Variants in FASN observed in about 807,000 individuals in gnomAD.
The protein encoded by FASN is 3-hydroxyacyl-[acyl-carrier-protein] dehydratase.
Under a neutral mutation model 250.0 loss-of-function variants are expected in FASN, and 50 were observed. The ratio of observed to expected loss-of-function variants is 0.20; its 90% CI spans 0.16 to 0.25. The LOEUF (loss-of-function observed/expected upper bound fraction) is 0.25. Ranked by LOEUF, FASN falls within the 10% of genes least tolerant of loss-of-function variation. The pLI, the probability that FASN is intolerant of heterozygous loss-of-function variation, is 1.00. For synonymous variants in FASN, 1,909 were observed against 1,584.0 expected, an observed-to-expected ratio of 1.21 and a Z score of -4.87; for missense variants, 3,031 against 3,498.5, an observed-to-expected ratio of 0.87 and a Z score of 3.37.
At chr17:82,095,504 C>G in intron 2 of FASN, 32 bp from the exon 3 acceptor site, 3 of 1,608,894 alleles carry the variant, frequency 1.9e-6, no homozygotes, top group South Asian at 2.2e-5. Context: ...AAATCTCTGA[C>G]GGAAGCTGCC....
chr17:82,094,829 G>A (rs972689898), intron 3 of FASN, among the ~76,000 whole-genome samples: 6 of 151,400 alleles, frequency 4.0e-5, no homozygotes, highest in East Asian at 1.9e-4. Flanking sequence ...AAAAAACGGC[G>A]TGGCGCTTGT....
chr17:82,082,400 G>A lies in FASN; in HGVS notation c.5934C>T (p.Gly1978=), dbSNP rs569358878. ...VFNLAVVLRD[G]LLENQTPEFF... is the part of the protein sequence containing the mutation. ...ACTCTGGGGTCTGGTTCTCCAGCAA[G>A]CCATCTCTCAAGACCTGGGGGAGGC... Residue 1978 remains glycine (G), a synonymous_variant, in exon 35 of 43, where the codon GGC becomes GGT. Transcript: ENST00000306749. 1.2e-5 allele frequency: 20 copies of A among 1,612,786 alleles called. No individual in the cohort carries two copies. In the East Asian group the frequency reaches 4.2e-4, roughly 34 times the overall value.
At chr17:82,086,584 G>A (rs1352495331) in intron 21 of FASN, 26 bp from the exon 22 acceptor site, 1 of 1,575,900 alleles carries the variant, frequency 6.3e-7, no homozygotes, top group African/African-American at 1.3e-5. Context: ...GGCAGGCCTG[G>A]TGTTCCCAAA....
At chr17:82,091,094 G>C in intron 9 of FASN, 25 bp from the exon 10 acceptor site, 1 of 1,608,428 alleles carries the variant, frequency 6.2e-7, no homozygotes, top group Non-Finnish European at 8.5e-7. Context: ...ACGTCACGAG[G>C]CTCAGCCCCA....
rs1018273509 is a variant in FASN, at chr17:82,095,408, G to A, written c.192C>T (p.Phe64=). The A allele has an allele frequency of 2.4e-5, 38 of 1,612,882 alleles. No homozygotes were observed. The East Asian group carries it at 4.2e-4, about 18-fold the overall frequency. ...GTGCCTGCTTGGGGTGGACTCCGAA[G>A]AAGGAGGCATCAAACCTAGACAGGT... ...LKDLSRFDAS[F]FGVHPKQAHT... is the part of the protein sequence containing the mutation. The change falls in exon 3 of 43, where the codon TTC becomes TTT. Residue 64 remains phenylalanine, a synonymous_variant. Coordinates refer to ENST00000306749, the MANE Select transcript of FASN (RefSeq NM_004104.5).
At chr17:82,085,194 A>G in intron 24 of FASN, 38 bp from the exon 25 acceptor site, 1 of 1,609,500 alleles carries the variant, frequency 6.2e-7, no homozygotes, top group Non-Finnish European at 8.5e-7. Context: ...ACACTCGGCA[A>G]GTTGGGAGGT....
chr17:82,090,146 C>T (rs1009600538), intron 11 of FASN, among the ~76,000 whole-genome samples: 3 of 152,224 alleles, frequency 2.0e-5, no homozygotes, highest in Non-Finnish European at 4.4e-5. Context: ...GGGGGCTCCA[C>T]GCAGGCCTGA....
chr17:82,087,667 A>C lies in FASN; in HGVS notation c.3043+18T>G, dbSNP rs1339207578. The C allele has an allele frequency of 3.7e-6, 6 of 1,610,042 alleles. No homozygotes were observed. The highest frequency in any genetic ancestry group is 5.1e-6 in the Non-Finnish European group (6 of 1,179,926). ...CGCCCTCCCCGGTGGCTTGGGCAGC[A>C]GTGTAGTCAGTACCCACCTTCCAGG... On this transcript the variant is annotated intron_variant, in intron 19 of 42. Coordinates refer to ENST00000306749, the MANE Select transcript of FASN (RefSeq NM_004104.5).
Position 82,089,362 on chromosome 17 carries a change from T to G in FASN, c.1988A>C (p.Glu663Ala). The G allele has an allele frequency of 6.2e-7, 1 of 1,612,760 alleles. No individual in the cohort carries two copies. Among genetic ancestry groups the G allele is most frequent in the Non-Finnish European group, 8.5e-7 (1 of 1,179,990 alleles). ...GPQAPVFEFV[E>A]QLRKEGVFAK... ...AAACACACCCTCCTTCCTCAGCTGC[T>G]CCACGAACTCAAACACCGGGGCCTG... is the stretch of plus-strand genomic sequence containing the variant. The change falls in exon 13 of 43, where the codon GAG (glutamate) becomes GCG (alanine). Residue 663 changes from glutamate (E) to alanine (A), a missense_variant. By Grantham distance (107) the Glu-to-Ala change is moderately radical. Transcript: ENST00000306749.
intron 30 of FASN, 28 bp downstream of exon 30, chr17:82,083,744 G>T: frequency 1.2e-6 from 2 of 1,611,020 alleles, no homozygotes; most frequent in Non-Finnish European, 8.5e-7. Flanking sequence ...TAGGCAGGAG[G>T]CAGGTGGGGG....
chr17:82,088,310 G>A lies in FASN; in HGVS notation c.2594-3C>T, dbSNP rs113864355. 1.2e-6 allele frequency: 2 copies of A among 1,607,572 alleles called. No individual in the cohort carries two copies. Among genetic ancestry groups the A allele is most frequent in the Non-Finnish European group, 1.7e-6 (2 of 1,179,928 alleles). ...GTCAGGAGACTCGGAGCTGGTGTCT[G>A]CGGGAGGGCACAGGCCTCAGCACAG... is the stretch of plus-strand genomic sequence containing the variant. On this transcript the variant is annotated splice_polypyrimidine_tract_variant and splice_region_variant and intron_variant, in intron 16 of 42. Transcript: ENST00000306749.
At chr17:82,094,763 T>TG (rs1365701023) in intron 3 of FASN, among the ~76,000 whole-genome samples, 3 of 151,480 alleles carry the variant, frequency 2.0e-5, no homozygotes, top group Non-Finnish European at 2.9e-5. Flanking sequence ...CACTCCAACC[T>TG]GGTGACAGAG....
At chr17:82,081,544 A>G (rs72863323) in intron 37 of FASN, 57 bp downstream of exon 37, 2 of 1,606,274 alleles carry the variant, frequency 1.2e-6, no homozygotes, top group Non-Finnish European at 1.7e-6. Context: ...GCTATGTCCC[A>G]AGACCCTGAT....
At chr17:82,094,991 G>A (rs2034279570) in intron 3 of FASN, among the ~76,000 whole-genome samples, 1 of 151,526 alleles carries the variant, frequency 6.6e-6, no homozygotes, top group Non-Finnish European at 1.5e-5. Flanking sequence ...GTGGGGGTGG[G>A]GGCCTGGAGG....
intron 41 of FASN, 58 bp downstream of exon 41, chr17:82,080,082 C>T (rs1485358058): frequency 1.0e-5 from 16 of 1,545,544 alleles, no homozygotes; most frequent in Non-Finnish European, 1.3e-5. Context: ...TTCCCTTCCC[C>T]CTTCCGTTCC....
rs766592053 is a variant in FASN at position 82,080,874 on chromosome 17, G to A, written c.6644C>T (p.Thr2215Ile). 1.2e-6 allele frequency: 2 copies of A among 1,611,388 alleles called. No individual in the cohort carries two copies. The highest frequency in any genetic ancestry group is 1.7e-6 in the Non-Finnish European group (2 of 1,179,552). ...PKEDGLAQQQ[T>I]QLNLRSLLVN... ...CAGCAGGGAGCGCAGGTTCAGCTGA[G>A]TCTGCTGCTGGGCCAGACCATCCTC... is the stretch of plus-strand genomic sequence containing the variant. The change falls in exon 39 of 43, where the codon ACT becomes ATT. Residue 2215 changes from threonine to isoleucine, a missense_variant. Thr to Ile is a moderately conservative substitution (Grantham distance 89). Transcript: ENST00000306749.
intron 3 of FASN, among the ~76,000 whole-genome samples, chr17:82,094,942 GGA>G (rs1054136357): frequency 2.1e-5 from 3 of 139,538 alleles, no homozygotes; most frequent in Non-Finnish European, 4.7e-5. Context: ...GGGTGGGAGG[GGA>G]GAGACAGCAG....
At position 82,085,619 on chromosome 17, in the gene FASN, G is replaced by A; in HGVS notation, c.3985C>T (p.Leu1329Phe). 6.3e-7 allele frequency: 1 copy of A among 1,599,898 alleles called. No individual in the cohort carries two copies. The highest frequency in any genetic ancestry group is 8.5e-7 in the Non-Finnish European group (1 of 1,174,096). ...CTCAGGGCAGCCACCATGTTGCTGA[G>A]AGCTGAGGCCGGGTCCCCGAGGGCA... ...VAALGDPASA[L>F]SNMVAALREG... The change falls in exon 23 of 43, where the codon CTC becomes TTC. Residue 1329 changes from leucine to phenylalanine, a missense_variant. Leu to Phe is a conservative substitution (Grantham distance 22, BLOSUM62 0). Transcript: ENST00000306749.
chr17:82,082,968 T>A lies in FASN; in HGVS notation c.5713A>T (p.Ile1905Leu). The stretch of plus-strand genomic sequence containing the variant: ...ACGAGCTTCTGCACCCCACGCTGTA[T>A]CAGCCACTGCGCCAACTCCAGGCCG... ...GFGLELAQWL[I>L]QRGVQKLVLT... Residue 1905 changes from isoleucine to leucine, a missense_variant, in exon 33 of 43, where the codon ATA becomes TTA. Ile to Leu is a conservative substitution (Grantham distance 5). Coordinates refer to ENST00000306749, the MANE Select transcript of FASN (RefSeq NM_004104.5). 6.2e-7 allele frequency: 1 copy of A among 1,612,828 alleles called. No homozygotes were observed. Among genetic ancestry groups the A allele is most frequent in the Non-Finnish European group, 8.5e-7 (1 of 1,179,992 alleles).
Sources: gnomAD v4.1 joint callset for allele counts (sites outside exome capture counted in the v4.1 genomes callset) on GRCh38, gnomAD v4.1.1 for gene constraint, MANE v1.5 for transcripts, NCBI Gene and HGNC (gene_info 2026-07-23, HGNC 2026-07-21) for gene names.